DCLK2: variants seen among roughly 807,000 people sequenced by gnomAD.
The protein encoded by DCLK2 is serine/threonine-protein kinase DCLK2.
In DCLK2, 31 loss-of-function variants were observed where a neutral mutation model predicts 78.4. The observed-to-expected ratio is 0.40, with a 90% CI of 0.30 to 0.53. The LOEUF (loss-of-function observed/expected upper bound fraction) is 0.53, where lower values mean the gene tolerates loss of function less well. DCLK2 is among the 20% of genes least tolerant of loss of function. The pLI is 0.61. For missense variants in DCLK2, 872 were observed against 973.7 expected (o/e 0.90, Z 1.39); for synonymous variants, 407 against 374.9 (o/e 1.09, Z -0.99).
chr4:150,218,184 C>T (rs1740888431), intron 5 of DCLK2, among the ~76,000 whole-genome samples: 2 of 150,660 alleles, frequency 1.3e-5, no homozygotes, highest in South Asian at 4.2e-4. Context: ...ACCAGGCTTC[C>T]ATCACTTGTC....
intron 5 of DCLK2, among the ~76,000 whole-genome samples, chr4:150,210,624 G>A (rs1022684990): frequency 1.3e-5 from 2 of 151,324 alleles, no homozygotes; most frequent in African/African-American, 2.4e-5. Flanking sequence ...GGGCAACAGA[G>A]CGAGCCTCTG....
At chr4:150,190,669 T>C (rs1738385874) in intron 2 of DCLK2, among the ~76,000 whole-genome samples, 1 of 152,168 alleles carries the variant, frequency 6.6e-6, no homozygotes, top group African/African-American at 2.4e-5. Context: ...TGACTGCTAA[T>C]GGGCATGGTG....
intron 5 of DCLK2, among the ~76,000 whole-genome samples, 157 bp from the exon 6 acceptor site, chr4:150,220,546 T>C (rs1741105086): frequency 6.6e-6 from 1 of 152,244 alleles, no homozygotes; most frequent in Non-Finnish European, 1.5e-5. Context: ...ACTGATGTGA[T>C]GTGCATAAGG....
At chr4:150,097,947 C>A (rs1328251987) in intron 1 of DCLK2, among the ~76,000 whole-genome samples, 1 of 152,100 alleles carries the variant, frequency 6.6e-6, no homozygotes. Context: ...TAGCCAAAGA[C>A]CACTGGGCAC....
intron 2 of DCLK2, among the ~76,000 whole-genome samples, chr4:150,184,374 A>C (rs931670901): frequency 6.6e-6 from 1 of 152,216 alleles, no homozygotes; most frequent in Non-Finnish European, 1.5e-5. Flanking sequence ...ATGCATTTCA[A>C]CTTTTCTAAA....
intron 5 of DCLK2, among the ~76,000 whole-genome samples, chr4:150,216,171 C>T (rs1400623694): frequency 2.0e-5 from 3 of 152,172 alleles, no homozygotes; most frequent in Non-Finnish European, 4.4e-5. Flanking sequence ...TGGTAATCTG[C>T]TTATCAAAGA....
chr4:150,216,449 C>T (rs1206295569), intron 5 of DCLK2, among the ~76,000 whole-genome samples: 4 of 152,120 alleles, frequency 2.6e-5, no homozygotes, highest in Admixed American at 6.5e-5. Flanking sequence ...ACCAGCCTGG[C>T]CAAAATGGTG....
intron 3 of DCLK2, 40 bp from the exon 4 acceptor site, chr4:150,197,962 T>G (rs1188219045): frequency 1.3e-6 from 2 of 1,553,042 alleles, no homozygotes; most frequent in Non-Finnish European, 1.8e-6. Flanking sequence ...TGGTCGTTAT[T>G]AAAACCAGAT....
chr4:150,119,677 A>T (rs13435543), intron 2 of DCLK2, among the ~76,000 whole-genome samples: 3 of 152,084 alleles, frequency 2.0e-5, no homozygotes, highest in Non-Finnish European at 4.4e-5. Flanking sequence ...AGAAAAAGCT[A>T]GTTGACTAGC....
intron 5 of DCLK2, among the ~76,000 whole-genome samples, chr4:150,217,676 G>A (rs945612439): frequency 2.6e-5 from 4 of 152,156 alleles, no homozygotes; most frequent in African/African-American, 9.7e-5. Context: ...ATTTTACTGA[G>A]GAGTGAAGAG....
At chr4:150,138,333 G>T (rs187050191) in intron 2 of DCLK2, among the ~76,000 whole-genome samples, 203 of 152,296 alleles carry the variant, frequency 1.3e-3, no homozygotes, top group African/African-American at 4.7e-3. Flanking sequence ...AAGAGGCCGG[G>T]TGCAGTGGCT....
intron 2 of DCLK2, among the ~76,000 whole-genome samples, chr4:150,150,110 T>C (rs1734785960): frequency 6.6e-6 from 1 of 152,176 alleles, no homozygotes. Context: ...TTTAACTAAA[T>C]GTGTATGAAA....
intron 5 of DCLK2, among the ~76,000 whole-genome samples, chr4:150,210,398 T>C (rs1740202607): frequency 6.6e-6 from 1 of 152,174 alleles, no homozygotes; most frequent in Admixed American, 6.5e-5. Context: ...CCAGATTTTA[T>C]TACCTCCTCT....
At chr4:150,250,367 A>G (rs1379272885) in intron 15 of DCLK2, among the ~76,000 whole-genome samples, 3 of 152,100 alleles carry the variant, frequency 2.0e-5, no homozygotes, top group African/African-American at 7.2e-5. Context: ...AAAAGGAAAA[A>G]ACATTGAACC....
intron 8 of DCLK2, among the ~76,000 whole-genome samples, chr4:150,228,135 T>A (rs1490193253): frequency 6.6e-6 from 1 of 152,164 alleles, no homozygotes; most frequent in East Asian, 1.9e-4. Flanking sequence ...TCTAGGAACA[T>A]TTGTAGTGGC....
intron 5 of DCLK2, among the ~76,000 whole-genome samples, chr4:150,217,776 C>A (rs1006894128): frequency 1.3e-5 from 2 of 152,048 alleles, no homozygotes; most frequent in Non-Finnish European, 2.9e-5. Context: ...ATGCTTTTTT[C>A]TTCTCTTTAG....
intron 2 of DCLK2, among the ~76,000 whole-genome samples, chr4:150,176,290 T>A (rs530853711): frequency 1.6e-3 from 246 of 152,258 alleles, no homozygotes; most frequent in Non-Finnish European, 3.1e-3. Flanking sequence ...CACTAAATAT[T>A]CCCTGAGTGC....
At chr4:150,098,222 G>A (rs139663128) in intron 1 of DCLK2, among the ~76,000 whole-genome samples, 174 of 152,162 alleles carry the variant, frequency 1.1e-3, no homozygotes, top group African/African-American at 4.1e-3. Context: ...AAAAAACTAC[G>A]GTGGTAAAGA....
At position 150,220,821 on chromosome 4, in the gene DCLK2, C is replaced by T; in HGVS notation, c.1132+43C>T. The T allele has an allele frequency of 2.0e-6, 3 of 1,478,052 alleles. No individual in the cohort carries two copies. In the East Asian group the frequency reaches 6.8e-5, roughly 34 times the overall value. The allele number at this position is 1,478,052 out of a possible 1,614,324, so 91.6% of individuals were successfully genotyped here. A position where few individuals can be genotyped will look rare whatever the true frequency, so the allele number is the denominator to read the frequency against. On this transcript the variant is annotated intron_variant, in intron 6 of 15. Transcript: ENST00000296550. ...CATTACTTTGATAAAGGAAATCATG[C>T]ATGGGGACTTGGTGCTCACCTAAAA...
Sources: gnomAD v4.1 joint callset for allele counts (sites outside exome capture counted in the v4.1 genomes callset) on GRCh38, gnomAD v4.1.1 for gene constraint, MANE v1.5 for transcripts, NCBI Gene and HGNC (gene_info 2026-07-23, HGNC 2026-07-21) for gene names.